The following PBX3 variants were observed in gnomAD, a reference collection of about 807,000 sequenced individuals.
PBX3 encodes the protein pre-B-cell leukemia transcription factor 3.
In PBX3, 14 loss-of-function variants were observed where a neutral mutation model predicts 48.5. The observed-to-expected ratio is 0.29, with a 90% confidence interval of 0.19 to 0.45. The LOEUF is 0.45. Ranked by LOEUF, PBX3 falls within the 20% of genes least tolerant of loss-of-function variation. PBX3 has a pLI of 1.00. For synonymous variants in PBX3, 210 were observed against 200.3 expected (o/e 1.05, Z -0.41); for missense variants, 386 against 546.7 (o/e 0.71, Z 2.93).
At chr9:125,853,419 G>A (rs1026845534) in intron 2 of PBX3, among the ~76,000 whole-genome samples, 1 of 152,082 alleles carries the variant, frequency 6.6e-6, no homozygotes, top group African/African-American at 2.4e-5. Flanking sequence ...TATAAAAAAT[G>A]TAGATAATAC....
At chr9:125,837,598 T>C (rs967553212) in intron 2 of PBX3, among the ~76,000 whole-genome samples, 6 of 152,084 alleles carry the variant, frequency 3.9e-5, no homozygotes, top group African/African-American at 1.4e-4. Flanking sequence ...ATGATAATAC[T>C]TAAGGTTAAT....
intron 2 of PBX3, among the ~76,000 whole-genome samples, chr9:125,889,911 G>C (rs1305404535): frequency 2.0e-5 from 3 of 149,802 alleles, no homozygotes; most frequent in Admixed American, 1.3e-4. Context: ...CGAAAGCCGC[G>C]GGGCAGAGCG....
chr9:125,918,001 G>A (rs1841372009), intron 3 of PBX3, among the ~76,000 whole-genome samples: 1 of 152,134 alleles, frequency 6.6e-6, no homozygotes, highest in African/African-American at 2.4e-5. Context: ...TTGCCCCTGA[G>A]CATAAACAGT....
intron 2 of PBX3, among the ~76,000 whole-genome samples, chr9:125,913,301 A>C (rs1224220729): frequency 1.3e-5 from 2 of 152,150 alleles, no homozygotes; most frequent in Non-Finnish European, 2.9e-5. Context: ...CCTGTTCTTG[A>C]GGCAAGCACT....
chr9:125,790,390 C>T (rs1837566914), intron 2 of PBX3, among the ~76,000 whole-genome samples: 1 of 151,666 alleles, frequency 6.6e-6, no homozygotes, highest in Non-Finnish European at 1.5e-5. Flanking sequence ...GCAGCTGGGA[C>T]TACAGGCATG....
intron 3 of PBX3, among the ~76,000 whole-genome samples, chr9:125,916,629 T>G (rs1455248894): frequency 6.6e-6 from 1 of 152,244 alleles, no homozygotes; most frequent in African/African-American, 2.4e-5. Flanking sequence ...ACTGCTAGTT[T>G]AACTATAAAA....
intron 8 of PBX3, among the ~76,000 whole-genome samples, chr9:125,965,043 G>A (rs916998058): frequency 6.6e-6 from 1 of 152,194 alleles, no homozygotes; most frequent in Non-Finnish European, 1.5e-5. Context: ...CACGAGGCTG[G>A]CACCTCCCTC....
In PBX3 at chr9:125,747,522, G is replaced by T. The variant is rs1189164240; in HGVS notation, c.69G>T (p.Gly23=). ...ACCTGGCTGGCCACTCGGTGCAGGGGGGCATGGCCCTGCCGCCTCCCCCGC... is the reference window on the plus strand; with the variant it reads ...ACCTGGCTGGCCACTCGGTGCAGGGTGGCATGGCCCTGCCGCCTCCCCCGC... ...GVNLAGHSVQ[G]GMALPPPPHG... Residue 23 remains glycine (G), a synonymous_variant, in exon 1 of 9, where the codon GGG becomes GGT. Transcript: ENST00000373489. 8 of 1,600,242 alleles carry T rather than the reference G, an allele frequency of 5.0e-6. No individual in the cohort carries two copies. The highest frequency in any genetic ancestry group is 6.0e-6 in the Non-Finnish European group (7 of 1,174,062).
At chr9:125,904,396 C>G (rs1841021182) in intron 2 of PBX3, among the ~76,000 whole-genome samples, 1 of 151,820 alleles carries the variant, frequency 6.6e-6, no homozygotes. Flanking sequence ...TTGTGTATCT[C>G]TTGTTTACAG....
At chr9:125,951,559 G>A (rs553624862) in intron 5 of PBX3, among the ~76,000 whole-genome samples, 1 of 152,258 alleles carries the variant, frequency 6.6e-6, no homozygotes, top group Non-Finnish European at 1.5e-5. Flanking sequence ...TTTTGTTGTT[G>A]CTGATTTGTT....
chr9:125,817,287 T>G (rs1253705976), intron 2 of PBX3, among the ~76,000 whole-genome samples: 1 of 152,238 alleles, frequency 6.6e-6, no homozygotes, highest in East Asian at 1.9e-4. Context: ...CAATACTTAT[T>G]TATTAGGTAA....
chr9:125,796,215 C>CTTCACCT (rs1466987659), intron 2 of PBX3, among the ~76,000 whole-genome samples: 1 of 152,186 alleles, frequency 6.6e-6, no homozygotes, highest in Non-Finnish European at 1.5e-5. Context: ...GAAAGTGGAT[C>CTTCACCT]TTCACCTTTC....
chr9:125,935,378 G>T, intron 4 of PBX3, 94 bp from the exon 5 acceptor site: 1 of 1,087,938 alleles, frequency 9.2e-7, no homozygotes, highest in East Asian at 2.4e-5. Context: ...TTTAAAAAGA[G>T]AAATCTACTT....
At chr9:125,938,717 T>C (rs1220674250) in intron 5 of PBX3, among the ~76,000 whole-genome samples, 1 of 152,138 alleles carries the variant, frequency 6.6e-6, no homozygotes, top group African/African-American at 2.4e-5. Flanking sequence ...TGTTCTAGAT[T>C]AAAAGAAGCT....
At chr9:125,946,855 A>C (rs1842075162) in intron 5 of PBX3, among the ~76,000 whole-genome samples, 1 of 152,166 alleles carries the variant, frequency 6.6e-6, no homozygotes, top group East Asian at 1.9e-4. Flanking sequence ...CAAGCCCTAG[A>C]CTCATGAAGA....
chr9:125,924,847 T>C (rs1446415902), intron 3 of PBX3, among the ~76,000 whole-genome samples: 1 of 152,222 alleles, frequency 6.6e-6, no homozygotes, highest in African/African-American at 2.4e-5. Flanking sequence ...TGTCAGCTGT[T>C]TTCCTTGGCA....
At chr9:125,891,321 A>AAT (rs1275497324) in intron 2 of PBX3, among the ~76,000 whole-genome samples, 1 of 152,236 alleles carries the variant, frequency 6.6e-6, no homozygotes. Flanking sequence ...TCTCAAGTGA[A>AAT]ATATATAAAG....
chr9:125,912,566 T>A (rs1841228575), intron 2 of PBX3, among the ~76,000 whole-genome samples: 1 of 152,136 alleles, frequency 6.6e-6, no homozygotes, highest in Non-Finnish European at 1.5e-5. Context: ...TGTTTTACTG[T>A]GTTTGTATGA....
At chr9:125,886,149 T>A (rs764993687) in intron 2 of PBX3, among the ~76,000 whole-genome samples, 4 of 152,114 alleles carry the variant, frequency 2.6e-5, no homozygotes, top group African/African-American at 4.8e-5. Context: ...TTAAAAAGTG[T>A]ATAGCAGGAT....
Sources: gnomAD v4.1 joint callset for allele counts (sites outside exome capture counted in the v4.1 genomes callset) on GRCh38, gnomAD v4.1.1 for gene constraint, MANE v1.5 for transcripts, NCBI Gene and HGNC (gene_info 2026-07-23, HGNC 2026-07-21) for gene names.